MARF1: variants seen among roughly 807,000 people sequenced by gnomAD.
MARF1 encodes meiosis regulator and mRNA stability factor 1.
In MARF1, 24 loss-of-function variants were observed where a neutral mutation model predicts 168.2. The observed-to-expected ratio is 0.14, with a 90% CI of 0.10 to 0.20. MARF1 has a LOEUF of 0.20. MARF1 is among the 10% of genes least tolerant of loss of function. The probability of loss-of-function intolerance (pLI) is 1.00; values close to 1 mark genes in which losing one functional copy is unlikely to be tolerated. For missense variants in MARF1, 1,744 were observed against 2,143.6 expected, an observed-to-expected ratio of 0.81 and a Z score of 3.68; for synonymous variants, 868 against 822.4, an observed-to-expected ratio of 1.06 and a Z score of -0.95.
At chr16:15,597,013 T>C in intron 26 of MARF1, 76 bp from the exon 27 acceptor site, 1 of 1,464,556 alleles carries the variant, frequency 6.8e-7, no homozygotes, top group Non-Finnish European at 9.1e-7. Flanking sequence ...CTTGCTCATA[T>C]TTTCTCAAAA....
intron 21 of MARF1, among the ~76,000 whole-genome samples, chr16:15,606,815 G>A (rs923693246): frequency 6.6e-6 from 1 of 152,012 alleles, no homozygotes; most frequent in African/African-American, 2.4e-5. Flanking sequence ...AGTTTTTCCA[G>A]GTAGGAAAAC....
chr16:15,639,014 TATCCCAG>T (rs1156941701), intron 2 of MARF1, 69 bp downstream of exon 2: 4 of 1,442,168 alleles, frequency 2.8e-6, no homozygotes, highest in Admixed American at 2.1e-5. Flanking sequence ...TGAGAGACTG[TATCCCAG>T]ACCAAATGGA....
intron 7 of MARF1, among the ~76,000 whole-genome samples, chr16:15,627,447 CCT>C (rs905759807): frequency 6.6e-6 from 1 of 151,926 alleles, no homozygotes; most frequent in Non-Finnish European, 1.5e-5. Context: ...AGTGAAACCC[CCT>C]CTCTACTAAA....
chr16:15,625,545 T>G lies in MARF1; in HGVS notation c.1780A>C (p.Ser594Arg). The change falls in exon 8 of 27, where the codon AGT becomes CGT. Residue 594 changes from serine (S) to arginine (R), a missense_variant. Ser to Arg is a moderately radical substitution (Grantham distance 110). Around this residue, in one of 7 missense-constraint regions of MARF1, gnomAD observed 270 missense variants for 260.6 expected, o/e 1.04. Transcript: ENST00000396368. Reference sequence around the variant, plus strand: ...ACTTTATCAGCAATTGCATTTGAACTCTTTGTTTCACAGAGTTCTCTATTT... The same window carrying G: ...ACTTTATCAGCAATTGCATTTGAACGCTTTGTTTCACAGAGTTCTCTATTT... ...PKNRELCETK[S>R]SNAIADKVKS... is the part of the protein sequence containing the mutation. 1 of 1,614,230 alleles carries G rather than the reference T, an allele frequency of 6.2e-7. No homozygotes were observed. The highest frequency in any genetic ancestry group is 1.3e-5 in the African/African-American group (1 of 75,062).
intron 7 of MARF1, among the ~76,000 whole-genome samples, chr16:15,629,998 T>C (rs2035144009): frequency 6.6e-6 from 1 of 152,202 alleles, no homozygotes; most frequent in Admixed American, 6.5e-5. Context: ...CCCATAATAC[T>C]TGGAAGCAAA....
rs1325283907 is a variant in MARF1 at position 15,602,390 on chromosome 16, CAAAGAT to C, written c.4414-193_4414-188del. On this transcript the variant is annotated intron_variant, in intron 22 of 26. Transcript: ENST00000396368. ...AAGATGACGAAGAAGAAGGAGACGA[CAAAGAT>C]AAAGAAGACAACAACAAAGAAGATG... is the stretch of plus-strand genomic sequence containing the variant. 40 of 602,652 alleles carry C rather than the reference CAAAGAT, an allele frequency of 6.6e-5. 2 individuals are homozygous for C. The South Asian group carries it at 7.0e-4, about 11-fold the overall frequency. 37.3% of individuals were successfully genotyped at this position (602,652 alleles called of 1,614,324 possible). A position where few individuals can be genotyped will look rare whatever the true frequency, so the allele number is the denominator to read the frequency against.
intron 1 of MARF1, among the ~76,000 whole-genome samples, chr16:15,642,793 A>T (rs1201464218): frequency 6.6e-6 from 1 of 152,094 alleles, no homozygotes; most frequent in Non-Finnish European, 1.5e-5. Context: ...CTCGAAGGGG[A>T]ACAGCGGCGC....
At position 15,600,571 on chromosome 16, in the gene MARF1, C is replaced by T; in HGVS notation, c.4688-18G>A. 1 of 1,614,138 alleles carries T rather than the reference C, an allele frequency of 6.2e-7. No individual in the cohort carries two copies. The highest frequency in any genetic ancestry group is 1.1e-5 in the South Asian group (1 of 91,086). On this transcript the variant is annotated intron_variant, in intron 24 of 26. Transcript: ENST00000396368. ...CAAACGACCTACAGGACAAAGAGCA[C>T]CCGTCAGAGAGAAATGTCAGTGAGA...
At chr16:15,632,278 A>G (rs2035304298) in intron 5 of MARF1, among the ~76,000 whole-genome samples, 1 of 152,236 alleles carries the variant, frequency 6.6e-6, no homozygotes, top group South Asian at 2.1e-4. Flanking sequence ...AGATCAGACA[A>G]ATGACTAAAA....
Position 15,635,793 on chromosome 16 carries a change from C to T in MARF1, c.694G>A (p.Gly232Arg), listed in dbSNP as rs192438053. Residue 232 changes from glycine (G) to arginine (R), a missense_variant, in exon 3 of 27, where the codon GGG (glycine) becomes AGG (arginine). Gly to Arg is a moderately radical substitution (Grantham distance 125). Coordinates refer to ENST00000396368, the MANE Select transcript of MARF1 (RefSeq NM_014647.4). ...TGCTCTTCCAAATGCCCTGGAGCCC[C>T]GCTTGTGAAATCAGAACAGGGGAAA... ...GYFPCSDFTS[G>R]APGHLEEHIS... is the part of the protein sequence containing the mutation. The T allele has an allele frequency of 1.3e-3, 2,124 of 1,614,178 alleles. 6 individuals are homozygous for T. Among genetic ancestry groups the T allele is most frequent in the Non-Finnish European group, 1.7e-3 (2,062 of 1,180,024 alleles).
rs989556689 is a variant in MARF1, at chr16:15,611,471, AACT to A, written c.3617+118_3617+120del. On this transcript the variant is annotated intron_variant, in intron 18 of 26. Transcript: ENST00000396368. ...CAAAAAAAAAAAAAAAAAAACAAAAAACTACTACAAGTTTTCCAAAAGAATGCT... is the reference window on the plus strand; with the variant it reads ...CAAAAAAAAAAAAAAAAAAACAAAAAACTACAAGTTTTCCAAAAGAATGCT... 481 of 914,188 alleles carry A rather than the reference AACT, an allele frequency of 5.3e-4. 1 individual carries two copies. In the East Asian group the frequency reaches 0.012, roughly 22 times the overall value. The allele number at this position is 914,188 out of a possible 1,614,324, so 56.6% of individuals were successfully genotyped here. A position where few individuals can be genotyped will look rare whatever the true frequency, so the allele number is the denominator to read the frequency against.
At chr16:15,603,344 T>C (rs1021543611) in intron 22 of MARF1, among the ~76,000 whole-genome samples, 1 of 152,172 alleles carries the variant, frequency 6.6e-6, no homozygotes. Flanking sequence ...CCTAGAACAG[T>C]ATTTTTTTTC....
chr16:15,642,110 G>A (rs971215052), intron 1 of MARF1, among the ~76,000 whole-genome samples: 15 of 152,128 alleles, frequency 9.9e-5, no homozygotes, highest in Admixed American at 2.0e-4. Context: ...TTACAAGGCC[G>A]TTGTTTGGAT....
At position 15,603,952 on chromosome 16, in the gene MARF1, C is replaced by G. The variant is rs529377356; in HGVS notation, c.4413+216G>C. Among the ~76,000 whole-genome samples, 7 of 152,058 alleles carry G rather than the reference C, an allele frequency of 4.6e-5. No homozygotes were observed. In the East Asian group the frequency reaches 1.2e-3, roughly 25 times the overall value. On this transcript the variant is annotated intron_variant, in intron 22 of 26. Transcript: ENST00000396368. The stretch of plus-strand genomic sequence containing the variant: ...TCATCCTAGAACGGGACAAACACAC[C>G]CCAGTGCCAGGATGAGGAGACCAGG...
At chr16:15,600,812 C>T in intron 23 of MARF1, 111 bp from the exon 24 acceptor site, 1 of 1,058,864 alleles carries the variant, frequency 9.4e-7, no homozygotes, top group Non-Finnish European at 1.5e-6. Context: ...AATTTAGGAG[C>T]TGAGTTACTG....
At chr16:15,633,234 G>A (rs2035368697) in intron 5 of MARF1, among the ~76,000 whole-genome samples, 1 of 149,434 alleles carries the variant, frequency 6.7e-6, no homozygotes, top group African/African-American at 2.5e-5. Flanking sequence ...GCCAAGGCAA[G>A]AGGACTGCTT....
chr16:15,628,139 G>A (rs1299367525), intron 7 of MARF1, among the ~76,000 whole-genome samples: 1 of 152,116 alleles, frequency 6.6e-6, no homozygotes, highest in Non-Finnish European at 1.5e-5. Flanking sequence ...CCAAAGTTCT[G>A]GTTTTTAAAA....
At chr16:15,611,510 A>C in intron 18 of MARF1, 82 bp downstream of exon 18, 1 of 1,233,786 alleles carries the variant, frequency 8.1e-7, no homozygotes, top group Non-Finnish European at 1.1e-6. Context: ...TAATAGAAAT[A>C]CTAGATAACT....
At chr16:15,616,946 G>A in intron 15 of MARF1, 106 bp downstream of exon 15, 8 of 1,417,912 alleles carry the variant, frequency 5.6e-6, no homozygotes, top group Non-Finnish European at 7.7e-6. Flanking sequence ...TGAGGATGAA[G>A]CATTGTAGAG....
Sources: gnomAD v4.1 joint callset for allele counts (sites outside exome capture counted in the v4.1 genomes callset) on GRCh38, gnomAD v4.1.1 for gene constraint, gnomAD v4.1.1 regional missense constraint, MANE v1.5 for transcripts, NCBI Gene and HGNC (gene_info 2026-07-23, HGNC 2026-07-21) for gene names.